GRM1: variants seen among roughly 807,000 people sequenced by gnomAD.
GRM1 encodes metabotropic glutamate receptor 1.
Under a neutral mutation model 90.9 loss-of-function variants are expected in GRM1, and 33 were observed. That is an observed-to-expected ratio of 0.36 (90% CI 0.28 to 0.49). The LOEUF (loss-of-function observed/expected upper bound fraction) is 0.49, where lower values mean the gene tolerates loss of function less well. GRM1 is among the 20% of genes least tolerant of loss of function. The pLI, the probability that GRM1 is intolerant of heterozygous loss-of-function variation, is 0.99. For synonymous variants in GRM1, 700 were observed against 613.2 expected (o/e 1.14, Z -2.09); for missense variants, 1,190 against 1,534.3 (o/e 0.78, Z 3.75).
intron 3 of GRM1, among the ~76,000 whole-genome samples, chr6:146,339,768 A>G (rs1486069808): frequency 6.6e-6 from 1 of 152,224 alleles, no homozygotes; most frequent in Non-Finnish European, 1.5e-5. Context: ...GGTGGCAGGA[A>G]TAGGGGAAGT....
rs746011254 is a variant in GRM1 at position 146,159,635 on chromosome 6, TCTCTCTCACA to T, written c.950+40_950+49del. 1.1e-5 allele frequency: 14 copies of T among 1,288,464 alleles called. No individual in the cohort carries two copies. In the African/African-American group the frequency reaches 2.0e-4, roughly 19 times the overall value. The allele number at this position is 1,288,464 out of a possible 1,614,324, so 79.8% of individuals were successfully genotyped here. A position where few individuals can be genotyped will look rare whatever the true frequency, so the allele number is the denominator to read the frequency against. On this transcript the variant is annotated intron_variant, in intron 2 of 7. Coordinates refer to ENST00000282753, the MANE Select transcript of GRM1 (RefSeq NM_001278064.2). ...CTCTCTCTCTCTCTCTCTCTCTCTCTCTCTCTCACACACACACATGCACACACACACTTTG... is the reference window on the plus strand; with the variant it reads ...CTCTCTCTCTCTCTCTCTCTCTCTCTCACACACATGCACACACACACTTTG...
At chr6:146,263,209 A>G (rs911417172) in intron 2 of GRM1, among the ~76,000 whole-genome samples, 7 of 152,018 alleles carry the variant, frequency 4.6e-5, no homozygotes, top group African/African-American at 2.4e-5. Context: ...TTAGAAATGG[A>G]TAAAATATCT....
At chr6:146,351,292 G>A (rs1276257016) in intron 3 of GRM1, among the ~76,000 whole-genome samples, 1 of 152,150 alleles carries the variant, frequency 6.6e-6, no homozygotes, top group Non-Finnish European at 1.5e-5. Context: ...CCTACTATCA[G>A]TCAAATGAGG....
intron 1 of GRM1, among the ~76,000 whole-genome samples, chr6:146,030,463 C>A (rs1790665894): frequency 6.6e-6 from 1 of 152,184 alleles, no homozygotes; most frequent in Non-Finnish European, 1.5e-5. Context: ...ACTTTCCATG[C>A]AAAGTGTCCA....
intron 2 of GRM1, among the ~76,000 whole-genome samples, chr6:146,174,449 A>T (rs1361803790): frequency 6.6e-6 from 1 of 152,230 alleles, no homozygotes; most frequent in African/African-American, 2.4e-5. Context: ...AAACCTAGAT[A>T]AGTGCAAAGG....
chr6:146,176,226 C>G (rs953079213), intron 2 of GRM1, among the ~76,000 whole-genome samples: 2 of 151,920 alleles, frequency 1.3e-5, no homozygotes, highest in African/African-American at 4.8e-5. Flanking sequence ...ATAGATTTCT[C>G]TAGGTGTCAG....
chr6:146,359,706 G>C (rs945981017), intron 5 of GRM1, among the ~76,000 whole-genome samples: 2 of 152,102 alleles, frequency 1.3e-5, no homozygotes, highest in African/African-American at 4.8e-5. Flanking sequence ...CCCCAGTTCA[G>C]GGGCAAGGCT....
At chr6:146,321,359 G>A (rs940135981) in intron 3 of GRM1, among the ~76,000 whole-genome samples, 4 of 152,066 alleles carry the variant, frequency 2.6e-5, no homozygotes, top group Non-Finnish European at 2.9e-5. Context: ...CTGTACTTTT[G>A]CATTTGCTGA....
chr6:146,118,196 G>T (rs1399866858), intron 1 of GRM1, among the ~76,000 whole-genome samples: 1 of 135,634 alleles, frequency 7.4e-6, no homozygotes, highest in East Asian at 2.2e-4. Flanking sequence ...CTGGAGTGCA[G>T]TGGTGCGATC....
intron 3 of GRM1, chr6:146,340,529 A>T (rs1784934667): frequency 6.6e-6 from 1 of 151,972 alleles, no homozygotes; most frequent in South Asian, 2.1e-4. Flanking sequence ...ATGGGACCAA[A>T]GCCATATTTC....
At chr6:146,386,843 T>G in intron 5 of GRM1, 47 bp from the exon 6 acceptor site, 1 of 1,507,558 alleles carries the variant, frequency 6.6e-7, no homozygotes, top group Non-Finnish European at 9.2e-7. Flanking sequence ...AATAGAAGCT[T>G]TTCTGGGAAA....
intron 1 of GRM1, among the ~76,000 whole-genome samples, chr6:146,115,270 T>G (rs574382669): frequency 3.3e-5 from 5 of 151,842 alleles, no homozygotes; most frequent in Admixed American, 6.6e-5. Flanking sequence ...ATACTATACA[T>G]GTACTATATA....
intron 2 of GRM1, among the ~76,000 whole-genome samples, chr6:146,295,402 T>G (rs2114898582): frequency 1.3e-5 from 2 of 151,192 alleles, no homozygotes; most frequent in Middle Eastern, 6.9e-3. Flanking sequence ...TTTTTTTTTT[T>G]TGTAGTTTTT....
chr6:146,224,640 C>T (rs776756644), intron 2 of GRM1, among the ~76,000 whole-genome samples: 5 of 152,056 alleles, frequency 3.3e-5, no homozygotes, highest in Admixed American at 2.0e-4. Context: ...ATGTCCAGTC[C>T]GGTGTAATAG....
chr6:146,064,879 C>T (rs1299427302), intron 1 of GRM1, among the ~76,000 whole-genome samples: 4 of 149,932 alleles, frequency 2.7e-5, no homozygotes, highest in Admixed American at 6.6e-5. Flanking sequence ...GAATTTTTTT[C>T]GAGATTGAGT....
intron 1 of GRM1, among the ~76,000 whole-genome samples, chr6:146,148,830 T>A (rs1020791447): frequency 1.1e-4 from 16 of 152,150 alleles, no homozygotes; most frequent in African/African-American, 3.6e-4. Context: ...GTGTGTGTAA[T>A]TTGGAGGTAA....
rs78322499 is a variant in GRM1 at position 146,417,435 on chromosome 6, G to T, written c.2661-16437G>T. On this transcript the variant is annotated intron_variant, in intron 7 of 7. Coordinates refer to ENST00000282753, the MANE Select transcript of GRM1 (RefSeq NM_001278064.2). ...CACTTAACACTATTGGAGGATGTTA[G>T]AAAACCAATACCTTTCTCAATAGGC... Among the ~76,000 whole-genome samples, 804 of 152,288 alleles carry T rather than the reference G, an allele frequency of 5.3e-3. 6 individuals carry two copies. Among genetic ancestry groups the T allele is most frequent in the African/African-American group, 0.019 (772 of 41,546 alleles).
intron 1 of GRM1, among the ~76,000 whole-genome samples, chr6:146,119,825 G>A (rs1028752304): frequency 2.0e-5 from 3 of 152,170 alleles, no homozygotes; most frequent in Admixed American, 6.5e-5. Flanking sequence ...CCAGTACCAT[G>A]CTGTTTTGGC....
At chr6:146,035,101 A>G (rs1320881431) in intron 1 of GRM1, among the ~76,000 whole-genome samples, 1 of 151,992 alleles carries the variant, frequency 6.6e-6, no homozygotes, top group East Asian at 1.9e-4. Context: ...GTTTGGAAAC[A>G]TAGCATTTGT....
Sources: gnomAD v4.1 joint callset for allele counts (sites outside exome capture counted in the v4.1 genomes callset) on GRCh38, gnomAD v4.1.1 for gene constraint, MANE v1.5 for transcripts, NCBI Gene and HGNC (gene_info 2026-07-23, HGNC 2026-07-21) for gene names.